MTUS2: variants seen among roughly 807,000 people sequenced by gnomAD.
MTUS2 encodes microtubule-associated tumor suppressor candidate 2.
Under a neutral mutation model 114.1 loss-of-function variants are expected in MTUS2, and 40 were observed. That is an observed-to-expected ratio of 0.35 (90% CI 0.27 to 0.46). The LOEUF is 0.46. MTUS2 is among the 20% of genes least tolerant of loss of function. MTUS2 has a pLI of 1.00. For synonymous variants in MTUS2, 688 were observed against 672.0 expected (o/e 1.02, Z -0.37); for missense variants, 1,679 against 1,705.4 (o/e 0.98, Z 0.27).
chr13:29,304,110 C>A (rs577838123), intron 6 of MTUS2, among the ~76,000 whole-genome samples: 101 of 152,230 alleles, frequency 6.6e-4, no homozygotes, highest in Non-Finnish European at 1.2e-3. Flanking sequence ...CACCACCAGG[C>A]CTGCCTTGCA....
chr13:29,176,089 T>A (rs1234223078), intron 5 of MTUS2, among the ~76,000 whole-genome samples: 1 of 152,158 alleles, frequency 6.6e-6, no homozygotes, highest in Non-Finnish European at 1.5e-5. Context: ...GAGAATATGA[T>A]TTTGCTACTT....
chr13:29,433,911 G>A (rs1467962794), intron 8 of MTUS2, among the ~76,000 whole-genome samples: 4 of 152,134 alleles, frequency 2.6e-5, no homozygotes, highest in African/African-American at 9.7e-5. Context: ...TAAAAGATCT[G>A]GAGGTTTCAT....
intron 1 of MTUS2, among the ~76,000 whole-genome samples, chr13:28,823,917 C>T (rs1314888757): frequency 6.6e-6 from 1 of 152,146 alleles, no homozygotes; most frequent in Non-Finnish European, 1.5e-5. Flanking sequence ...CCGTATAAAA[C>T]CAGCAGATTT....
chr13:29,048,962 G>A (rs1887762903), intron 4 of MTUS2, among the ~76,000 whole-genome samples: 1 of 152,168 alleles, frequency 6.6e-6, no homozygotes, highest in Non-Finnish European at 1.5e-5. Flanking sequence ...TATATCACTG[G>A]GGAAGAGTCT....
intron 4 of MTUS2, among the ~76,000 whole-genome samples, chr13:29,077,511 A>G (rs1889245962): frequency 6.6e-6 from 1 of 152,166 alleles, no homozygotes; most frequent in African/African-American, 2.4e-5. Flanking sequence ...ACACTGAATC[A>G]TTCTGCTTGA....
chr13:28,909,472 C>G (rs1880264454), intron 2 of MTUS2, among the ~76,000 whole-genome samples: 1 of 152,002 alleles, frequency 6.6e-6, no homozygotes, highest in African/African-American at 2.4e-5. Flanking sequence ...GGAGTTCACT[C>G]ATGATTTGGC....
rs373199820 is a variant in MTUS2, at chr13:29,025,423, G to A, written c.725G>A (p.Arg242His). The A allele has an allele frequency of 9.3e-6, 15 of 1,612,496 alleles. No individual in the cohort carries two copies. Among genetic ancestry groups the A allele is most frequent in the Admixed American group, 5.0e-5 (3 of 59,862 alleles). Reference protein sequence around the residue: ...TDSTSEGKSVRHPKPSTSESK... With the variant: ...TDSTSEGKSVHHPKPSTSESK... ...AGTACCTCAGAGGGAAAGAGTGTGC[G>A]TCATCCTAAACCATCTACCTCAGAA... Residue 242 changes from arginine (R) to histidine (H), a missense_variant, in exon 3 of 16, where the codon CGT becomes CAT. This residue lies in a region of MTUS2 where 843 missense variants were observed against 770.8 expected (regional missense o/e 1.09). Coordinates refer to ENST00000612955, the MANE Select transcript of MTUS2 (RefSeq NM_001033602.4).
At chr13:28,964,272 A>G (rs938388598) in intron 2 of MTUS2, among the ~76,000 whole-genome samples, 1 of 152,168 alleles carries the variant, frequency 6.6e-6, no homozygotes, top group Admixed American at 6.5e-5. Context: ...GGCAAGTCCT[A>G]TGACCTCTTT....
In MTUS2 at chr13:29,024,972, T is replaced by A. The variant is rs1248090947; in HGVS notation, c.274T>A (p.Ser92Thr). 6.2e-7 allele frequency: 1 copy of A among 1,612,418 alleles called. No individual in the cohort carries two copies. The highest frequency in any genetic ancestry group is 8.5e-7 in the Non-Finnish European group (1 of 1,179,504). Reference sequence around the variant, plus strand: ...CTTTGGGAAAGGCTCTCAGGCTGGCTCTGCCAGCCTGAAAGATTTTAGACT... The same window carrying A: ...CTTTGGGAAAGGCTCTCAGGCTGGCACTGCCAGCCTGAAAGATTTTAGACT... ...QGFGKGSQAG[S>T]ASLKDFRLSS... Residue 92 changes from serine to threonine, a missense_variant, in exon 3 of 16, where the codon TCT becomes ACT. By Grantham distance (58) the Ser-to-Thr change is moderately conservative. Transcript: ENST00000612955.
intron 8 of MTUS2, among the ~76,000 whole-genome samples, chr13:29,382,206 G>A (rs578190682): frequency 3.3e-5 from 5 of 152,276 alleles, no homozygotes; most frequent in African/African-American, 4.8e-5. Context: ...TTGACAGGTC[G>A]GGCCTTGCAG....
intron 4 of MTUS2, among the ~76,000 whole-genome samples, chr13:29,064,500 A>G (rs1172605575): frequency 1.3e-5 from 2 of 149,076 alleles, no homozygotes; most frequent in East Asian, 2.0e-4. Flanking sequence ...GGCACTGTGG[A>G]TAAGTAATGT....
At chr13:29,177,815 T>C (rs1020150494) in intron 5 of MTUS2, among the ~76,000 whole-genome samples, 1 of 152,138 alleles carries the variant, frequency 6.6e-6, no homozygotes, top group African/African-American at 2.4e-5. Context: ...AGCTCCAATG[T>C]GTGCTCAGAT....
intron 5 of MTUS2, among the ~76,000 whole-genome samples, chr13:29,265,790 T>G (rs1377781289): frequency 2.0e-5 from 3 of 152,176 alleles, no homozygotes; most frequent in Non-Finnish European, 4.4e-5. Flanking sequence ...TCCAAGGAGA[T>G]GGGTTAAGCC....
rs554159450 is a variant in MTUS2 at position 29,498,438 on chromosome 13, G to A, written c.3699G>A (p.Gln1233=). 8.1e-6 allele frequency: 13 copies of A among 1,614,142 alleles called. No individual in the cohort carries two copies. In the East Asian group the frequency reaches 2.7e-4, roughly 33 times the overall value. Residue 1233 remains glutamine, a synonymous_variant, in exon 14 of 16, where the codon CAG becomes CAA. Coordinates refer to ENST00000612955, the MANE Select transcript of MTUS2 (RefSeq NM_001033602.4). ...EQLEIALAPY[Q]HLEEDMKSLK... is the part of the protein sequence containing the mutation. ...TGTAGATTGCATTGGCTCCTTATCA[G>A]CACTTGGAAGAAGACATGAAGAGTC...
chr13:28,999,538 G>A (rs1185648585), intron 2 of MTUS2, among the ~76,000 whole-genome samples: 1 of 152,182 alleles, frequency 6.6e-6, no homozygotes, highest in Non-Finnish European at 1.5e-5. Context: ...GGTACCATGT[G>A]ATATTTCAAT....
chr13:28,827,570 G>C (rs955491036), intron 1 of MTUS2, among the ~76,000 whole-genome samples: 9 of 152,138 alleles, frequency 5.9e-5, no homozygotes, highest in African/African-American at 2.2e-4. Context: ...AATGTGACCT[G>C]CAGCCACATT....
intron 2 of MTUS2, among the ~76,000 whole-genome samples, chr13:28,907,594 G>A (rs1041498924): frequency 6.6e-6 from 1 of 151,358 alleles, no homozygotes; most frequent in African/African-American, 2.4e-5. Context: ...AAAGGCAGGG[G>A]TTGCAATCCT....
intron 5 of MTUS2, among the ~76,000 whole-genome samples, chr13:29,231,296 C>T (rs1896313913): frequency 6.6e-6 from 1 of 152,156 alleles, no homozygotes; most frequent in African/African-American, 2.4e-5. Flanking sequence ...CATTAAGCTC[C>T]TTTAAAAAAG....
intron 9 of MTUS2, among the ~76,000 whole-genome samples, chr13:29,475,936 T>C (rs1880670109): frequency 6.6e-6 from 1 of 152,200 alleles, no homozygotes; most frequent in Non-Finnish European, 1.5e-5. Context: ...AGTCATGTCG[T>C]AGGCCCTCAC....
Sources: gnomAD v4.1 joint callset for allele counts (sites outside exome capture counted in the v4.1 genomes callset) on GRCh38, gnomAD v4.1.1 for gene constraint, gnomAD v4.1.1 regional missense constraint, MANE v1.5 for transcripts, NCBI Gene and HGNC (gene_info 2026-07-23, HGNC 2026-07-21) for gene names.